The following KAT6A variants were observed in gnomAD, a reference collection of about 807,000 sequenced individuals.
The protein encoded by KAT6A is histone acetyltransferase KAT6A.
A neutral mutation model predicts 198.4 loss-of-function variants in KAT6A; 9 were observed. That is an observed-to-expected ratio of 0.05 (90% CI 0.03 to 0.08). The LOEUF (loss-of-function observed/expected upper bound fraction) is 0.08. Ranked by LOEUF, KAT6A falls within the 10% of genes least tolerant of loss-of-function variation. The pLI is 1.00. For missense variants in KAT6A, 2,077 were observed against 2,509.9 expected (o/e 0.83, Z 3.69); for synonymous variants, 890 against 883.0 (o/e 1.01, Z -0.14).
chr8:42,039,140 C>T (rs1323765305), intron 2 of KAT6A, among the ~76,000 whole-genome samples: 1 of 152,148 alleles, frequency 6.6e-6, no homozygotes, highest in Non-Finnish European at 1.5e-5. Flanking sequence ...CCTGCTCCAG[C>T]TGGGACAAGC....
chr8:42,039,724 T>C (rs889048275), intron 2 of KAT6A, among the ~76,000 whole-genome samples: 7 of 152,114 alleles, frequency 4.6e-5, no homozygotes, highest in African/African-American at 1.4e-4. Context: ...AAAACTTGTA[T>C]TATTATTATT....
At chr8:41,953,282 T>G (rs927730001) in intron 9 of KAT6A, among the ~76,000 whole-genome samples, 2 of 152,142 alleles carry the variant, frequency 1.3e-5, no homozygotes, top group Non-Finnish European at 2.9e-5. Context: ...CTCCCCACCT[T>G]GAGTAGACAA....
chr8:41,952,056 C>T (rs932227991), intron 9 of KAT6A, among the ~76,000 whole-genome samples: 1 of 152,164 alleles, frequency 6.6e-6, no homozygotes, highest in African/African-American at 2.4e-5. Context: ...ACCAGAGATG[C>T]TTAGTCCAGT....
At chr8:41,992,607 C>G (rs1275285088) in intron 2 of KAT6A, among the ~76,000 whole-genome samples, 1 of 152,082 alleles carries the variant, frequency 6.6e-6, no homozygotes, top group Non-Finnish European at 1.5e-5. Context: ...ATGTAATGAC[C>G]TATGAATGGC....
Position 41,988,553 on chromosome 8 carries a change from A to G in KAT6A, c.601-990T>C, listed in dbSNP as rs527663923. ...ATCAAAGACAAACGGGGAAAACTCCAAAGATAGGTAAAACATTTAAACAGT... is the reference window on the plus strand; with the variant it reads ...ATCAAAGACAAACGGGGAAAACTCCGAAGATAGGTAAAACATTTAAACAGT... On this transcript the variant is annotated intron_variant, in intron 2 of 16. Transcript: ENST00000265713. Among the ~76,000 whole-genome samples the G allele has an allele frequency of 3.3e-5, 5 of 152,366 alleles. No individual in the cohort carries two copies. The South Asian group carries it at 1.0e-3, about 32-fold the overall frequency.
intron 2 of KAT6A, among the ~76,000 whole-genome samples, chr8:42,004,479 A>AT (rs1825643356): frequency 6.6e-6 from 1 of 152,164 alleles, no homozygotes; most frequent in African/African-American, 2.4e-5. Context: ...CCACTGACAC[A>AT]TTTTGCAGTC....
chr8:41,956,994 T>C (rs1822951463), intron 8 of KAT6A: 1 of 518,022 alleles, frequency 1.9e-6, no homozygotes, highest in Admixed American at 2.3e-5. Flanking sequence ...AGAAACCAGA[T>C]CTAACTTCCT....
Position 41,977,261 on chromosome 8 carries a change from A to G in KAT6A, c.1110T>C (p.Leu370=). ...PGRGRKRKIT[L]SSQSASSSSE... is the part of the protein sequence containing the mutation. The stretch of plus-strand genomic sequence containing the variant: ...ATGATGATGATGCTGATTGGCTGGA[A>G]AGAGTGATTTTTCGTTTCCTACCCC... The change falls in exon 7 of 17, where the codon CTT becomes CTC. Residue 370 remains leucine (L), a synonymous_variant. Transcript: ENST00000265713. The G allele has an allele frequency of 6.2e-7, 1 of 1,614,188 alleles. No homozygotes were observed. The highest frequency in any genetic ancestry group is 8.5e-7 in the Non-Finnish European group (1 of 1,180,022).
intron 2 of KAT6A, among the ~76,000 whole-genome samples, chr8:42,029,559 G>GA (rs1554698011): frequency 6.9e-6 from 1 of 144,274 alleles, no homozygotes; most frequent in Non-Finnish European, 1.5e-5. Flanking sequence ...CACAGTTGTA[G>GA]TTTTTTTTTG....
At chr8:41,939,425 T>C (rs966326206) in intron 15 of KAT6A, among the ~76,000 whole-genome samples, 1 of 152,192 alleles carries the variant, frequency 6.6e-6, no homozygotes, top group Non-Finnish European at 1.5e-5. Context: ...TGGACTACAG[T>C]GGCTATTTAC....
chr8:41,983,477 A>G (rs1432748539), intron 3 of KAT6A, among the ~76,000 whole-genome samples: 2 of 152,216 alleles, frequency 1.3e-5, no homozygotes, highest in African/African-American at 4.8e-5. Context: ...TTTATTTTAA[A>G]TTTTAAGTAA....
intron 2 of KAT6A, among the ~76,000 whole-genome samples, chr8:42,039,378 G>A (rs1377527699): frequency 1.3e-5 from 2 of 152,100 alleles, no homozygotes; most frequent in Non-Finnish European, 2.9e-5. Context: ...AGCAAACTCC[G>A]CACCTAGATT....
intron 2 of KAT6A, among the ~76,000 whole-genome samples, chr8:42,033,700 AT>A (rs1352788204): frequency 6.6e-6 from 1 of 152,148 alleles, no homozygotes; most frequent in Non-Finnish European, 1.5e-5. Flanking sequence ...CAGAGCACTT[AT>A]CACCATGTGT....
intron 12 of KAT6A, among the ~76,000 whole-genome samples, chr8:41,945,908 T>C (rs562980567): frequency 2.0e-4 from 31 of 151,890 alleles, no homozygotes; most frequent in Admixed American, 4.6e-4. Context: ...CTGGTGCCTG[T>C]AGTCCCAGCT....
Position 41,941,404 on chromosome 8 carries a change from G to T in KAT6A, c.2477C>A (p.Ser826Tyr). The T allele has an allele frequency of 1.9e-6, 3 of 1,607,914 alleles. No homozygotes were observed. The highest frequency in any genetic ancestry group is 2.5e-6 in the Non-Finnish European group (3 of 1,179,518). ...SVSHENKEQD[S>Y]YSVESEKKPE... is the part of the protein sequence containing the mutation. ...TTTCTTTTCACTTTCTACTGAATAA[G>T]AATCTTGTTCTTTGTTCTCATGAGA... Residue 826 changes from serine to tyrosine, a missense_variant, in exon 15 of 17, where the codon TCT (serine) becomes TAT (tyrosine). Ser to Tyr is a moderately radical substitution (Grantham distance 144). Around this residue, in one of 13 missense-constraint regions of KAT6A, gnomAD observed 301 missense variants for 272.2 expected, o/e 1.11. Coordinates refer to ENST00000265713, the MANE Select transcript of KAT6A (RefSeq NM_006766.5).
At position 42,044,613 on chromosome 8, in the gene KAT6A, A is replaced by G. The variant is rs149114053; in HGVS notation, c.600+3765T>C. ...TATCACCAAAAAAAAACAAAAAGTT[A>G]GAATTGATACCAGAAAAAGTAAAGA... On this transcript the variant is annotated intron_variant, in intron 2 of 16. Coordinates refer to ENST00000265713, the MANE Select transcript of KAT6A (RefSeq NM_006766.5). Among the ~76,000 whole-genome samples the G allele has an allele frequency of 4.6e-5, 7 of 152,330 alleles. No individual in the cohort carries two copies. The East Asian group carries it at 1.3e-3, about 29-fold the overall frequency.
chr8:42,029,845 T>C (rs942134477), intron 2 of KAT6A, among the ~76,000 whole-genome samples: 2 of 152,218 alleles, frequency 1.3e-5, no homozygotes, highest in Admixed American at 6.5e-5. Flanking sequence ...AAATTTCTCA[T>C]TCAGATCATG....
In KAT6A at chr8:41,932,409, A is replaced by G; in HGVS notation, c.5811T>C (p.His1937=). ...TCTGGTTCATGTAGGCAGGGTTACTATGGTAACTGCTGTTCATCATGGGCT... is the reference window on the plus strand; with the variant it reads ...TCTGGTTCATGTAGGCAGGGTTACTGTGGTAACTGCTGTTCATCATGGGCT... The part of the protein sequence containing the change: ...MTQPMMNSSY[H]SNPAYMNQTA... The change falls in exon 17 of 17, where the codon CAT becomes CAC. Residue 1937 remains histidine (H), a synonymous_variant. Transcript: ENST00000265713. 2 of 1,614,204 alleles carry G rather than the reference A, an allele frequency of 1.2e-6. No homozygotes were observed. The highest frequency in any genetic ancestry group is 1.7e-6 in the Non-Finnish European group (2 of 1,180,038).
At chr8:41,991,155 CA>C (rs1365789366) in intron 2 of KAT6A, among the ~76,000 whole-genome samples, 4 of 152,152 alleles carry the variant, frequency 2.6e-5, no homozygotes, top group Non-Finnish European at 5.9e-5. Context: ...TAGCTATATA[CA>C]CAATTGAAGT....
Sources: gnomAD v4.1 joint callset for allele counts (sites outside exome capture counted in the v4.1 genomes callset) on GRCh38, gnomAD v4.1.1 for gene constraint, gnomAD v4.1.1 regional missense constraint, MANE v1.5 for transcripts, NCBI Gene and HGNC (gene_info 2026-07-23, HGNC 2026-07-21) for gene names.